Variants in NLGN4Y observed in about 807,000 individuals in gnomAD.
NLGN4Y encodes the protein neuroligin 4 Y-linked, also known as neuroligin-4, Y-linked.
A neutral mutation model predicts 8.4 loss-of-function variants in NLGN4Y; 4 were observed. The ratio of observed to expected loss-of-function variants is 0.48; its 90% confidence interval spans 0.23 to 1.09. The LOEUF (loss-of-function observed/expected upper bound fraction) is 1.09, where lower values mean the gene tolerates loss of function less well. NLGN4Y is among the 50% of genes least tolerant of loss of function. The probability of loss-of-function intolerance (pLI) is 0.19; values close to 1 mark genes in which losing one functional copy is unlikely to be tolerated. For missense variants in NLGN4Y, 90 were observed against 192.3 expected, an observed-to-expected ratio of 0.47 and a Z score of 3.15; for synonymous variants, 35 against 75.6, an observed-to-expected ratio of 0.46 and a Z score of 2.78.
chrY:14,711,318 T>G (rs994559215), intron 2 of NLGN4Y, among the ~76,000 whole-genome samples: 2 of 31,943 alleles, frequency 6.3e-5, no homozygotes, highest in Admixed American at 5.8e-4. Flanking sequence ...TATCATTATA[T>G]TTTTTTTTCT....
chrY:14,741,755 T>C (rs749067636), intron 4 of NLGN4Y, among the ~76,000 whole-genome samples: 2 of 34,206 alleles, frequency 5.8e-5, no homozygotes, highest in African/African-American at 2.3e-4. Flanking sequence ...CCTCCTTTTT[T>C]TTCCCCCGAT....
At chrY:14,751,292 A>G (rs1042004543) in intron 4 of NLGN4Y, among the ~76,000 whole-genome samples, 1 of 33,858 alleles carries the variant, frequency 3.0e-5, no homozygotes, top group Non-Finnish European at 7.3e-5. Context: ...TCTGAGATAT[A>G]TACCACTATG....
At chrY:14,612,550 C>T in intron 1 of NLGN4Y, among the ~76,000 whole-genome samples, 1 of 33,786 alleles carries the variant, frequency 3.0e-5, no homozygotes, top group African/African-American at 1.2e-4. Context: ...AGTCAGGCCG[C>T]TCTGCTGCAG....
chrY:14,685,759 C>T (rs2080787244), intron 2 of NLGN4Y, among the ~76,000 whole-genome samples: 1 of 33,353 alleles, frequency 3.0e-5, no homozygotes, highest in South Asian at 6.7e-4. Flanking sequence ...GACTGGCTAG[C>T]TCTGTTTTCT....
chrY:14,831,605 AAT>A (rs2043179405), intron 6 of NLGN4Y, among the ~76,000 whole-genome samples: 1 of 29,843 alleles, frequency 3.4e-5, no homozygotes, highest in African/African-American at 1.3e-4. Flanking sequence ...TACAAATAGT[AAT>A]ATATATATAC....
At chrY:14,770,434 C>T (rs1048626749) in intron 4 of NLGN4Y, among the ~76,000 whole-genome samples, 1 of 32,982 alleles carries the variant, frequency 3.0e-5, no homozygotes, top group African/African-American at 1.2e-4. Context: ...ACCTCCAGCA[C>T]GCCCCAGCAG....
intron 4 of NLGN4Y, among the ~76,000 whole-genome samples, chrY:14,789,074 G>A (rs2042977896): frequency 3.1e-5 from 1 of 31,767 alleles, no homozygotes; most frequent in Non-Finnish European, 7.6e-5. Flanking sequence ...GGTTCAAGCA[G>A]TTCTGCTGTT....
chrY:14,645,994 G>T (rs2080610220), intron 2 of NLGN4Y, among the ~76,000 whole-genome samples: 1 of 32,744 alleles, frequency 3.1e-5, no homozygotes, highest in Admixed American at 2.8e-4. Flanking sequence ...TGATGATGGT[G>T]TTGGTGATGA....
chrY:14,750,514 T>C, intron 4 of NLGN4Y, among the ~76,000 whole-genome samples: 1 of 33,196 alleles, frequency 3.0e-5, no homozygotes, highest in African/African-American at 1.2e-4. Flanking sequence ...AAAACAGAAA[T>C]TCTGCAGCAT....
intron 4 of NLGN4Y, 137 bp downstream of exon 4, chrY:14,723,406 T>C (rs762511780): frequency 5.6e-6 from 1 of 178,516 alleles, no homozygotes; most frequent in South Asian, 4.6e-5. Context: ...TTACTTTATG[T>C]TATCAGGTAT....
intron 4 of NLGN4Y, among the ~76,000 whole-genome samples, chrY:14,806,797 A>G (rs749946266): frequency 6.5e-5 from 2 of 30,996 alleles, no homozygotes; most frequent in African/African-American, 2.5e-4. Flanking sequence ...ATAATAGGAC[A>G]CTGTAACTGC....
intron 4 of NLGN4Y, among the ~76,000 whole-genome samples, chrY:14,780,673 G>A: frequency 3.0e-5 from 1 of 33,258 alleles, no homozygotes; most frequent in Non-Finnish European, 7.4e-5. Context: ...AGGACACAGC[G>A]AGAAGGTGCT....
At chrY:14,737,458 A>G (rs2080994243) in intron 4 of NLGN4Y, among the ~76,000 whole-genome samples, 1 of 33,746 alleles carries the variant, frequency 3.0e-5, no homozygotes, top group Admixed American at 2.7e-4. Flanking sequence ...ACTGTATAGG[A>G]CACACTAATT....
At chrY:14,685,875 G>T in intron 2 of NLGN4Y, among the ~76,000 whole-genome samples, 1 of 32,884 alleles carries the variant, frequency 3.0e-5, no homozygotes, top group African/African-American at 1.2e-4. Flanking sequence ...AAACCATAAA[G>T]ACTTGAAAGA....
rs1603503679 is a variant in NLGN4Y, at chrY:14,762,241, C to T, written c.685+38972C>T. Among the ~76,000 whole-genome samples the T allele has an allele frequency of 8.8e-5, 3 of 34,240 alleles. No homozygotes were observed. The East Asian group carries it at 2.3e-3, about 26-fold the overall frequency. The allele number at this position is 34,240 out of a possible 37,273, so 91.9% of individuals were successfully genotyped here. On this transcript the variant is annotated intron_variant, in intron 4 of 6. Coordinates refer to ENST00000684976, the MANE Select transcript of NLGN4Y (RefSeq NM_001365588.1). Reference sequence around the variant, plus strand: ...GATATCTGATAATCACCTACTATGACCATGTTTTCATCCTTCAAGGATTTC... The same window carrying T: ...GATATCTGATAATCACCTACTATGATCATGTTTTCATCCTTCAAGGATTTC...
intron 1 of NLGN4Y, among the ~76,000 whole-genome samples, chrY:14,593,164 G>A: frequency 3.0e-5 from 1 of 33,688 alleles, no homozygotes; most frequent in South Asian, 6.5e-4. Flanking sequence ...CACTTCCTGA[G>A]CCTTCTCTGT....
Position 14,828,425 on chromosome Y carries a change from G to A in NLGN4Y, c.872-1305G>A. Among the ~76,000 whole-genome samples, 4 of 32,081 alleles carry A rather than the reference G, an allele frequency of 1.2e-4. No homozygotes were observed. In the South Asian group the frequency reaches 2.8e-3, roughly 22 times the overall value. 86.1% of individuals were successfully genotyped at this position (32,081 alleles called of 37,273 possible). A position where few individuals can be genotyped will look rare whatever the true frequency, so the allele number is the denominator to read the frequency against. On this transcript the variant is annotated intron_variant, in intron 5 of 6. Coordinates refer to ENST00000684976, the MANE Select transcript of NLGN4Y (RefSeq NM_001365588.1). The stretch of plus-strand genomic sequence containing the variant: ...AAGGGTAGGAAAGGAACATCTCAGA[G>A]CATTTTTATCTAATTCTGAATGTTT...
intron 6 of NLGN4Y, among the ~76,000 whole-genome samples, chrY:14,839,901 C>T: frequency 9.1e-5 from 3 of 33,037 alleles, no homozygotes; most frequent in Non-Finnish European, 2.2e-4. Flanking sequence ...AACTTCTTTG[C>T]TGTGGGGGTC....
chrY:14,632,628 C>T (rs999982853), intron 2 of NLGN4Y, among the ~76,000 whole-genome samples: 1 of 33,541 alleles, frequency 3.0e-5, no homozygotes, highest in South Asian at 6.5e-4. Flanking sequence ...CAATCAACAT[C>T]GACATGCAAC....
Sources: gnomAD v4.1 joint callset for allele counts (sites outside exome capture counted in the v4.1 genomes callset) on GRCh38, gnomAD v4.1.1 for gene constraint, MANE v1.5 for transcripts, NCBI Gene and HGNC (gene_info 2026-07-23, HGNC 2026-07-21) for gene names.